The following TMX2 variants were observed in gnomAD, a reference collection of about 807,000 sequenced individuals.
The protein encoded by TMX2 is thioredoxin related transmembrane protein 2, also known as thioredoxin-related transmembrane protein 2.
A neutral mutation model predicts 33.4 loss-of-function variants in TMX2; 20 were observed. The observed-to-expected ratio is 0.60, with a 90% CI of 0.42 to 0.87. TMX2 has a LOEUF of 0.87. TMX2 is among the 40% of genes least tolerant of loss of function. The probability of loss-of-function intolerance (pLI) is 0.00; values close to 1 mark genes in which losing one functional copy is unlikely to be tolerated. For missense variants in TMX2, 340 were observed against 370.7 expected (o/e 0.92, Z 0.68); for synonymous variants, 166 against 140.7 (o/e 1.18, Z -1.27).
Position 57,740,058 on chromosome 11 carries a change from C to T in TMX2, c.745-41C>T, listed in dbSNP as rs1212742107. The T allele has an allele frequency of 3.1e-6, 5 of 1,613,282 alleles. No individual in the cohort carries two copies. The South Asian group carries it at 5.5e-5, about 18-fold the overall frequency. ...TTACTTCCCAGGCTCTTTACTCTCCCTTCCAACCCAGATCCTGACGTGTGC... is the reference window on the plus strand; with the variant it reads ...TTACTTCCCAGGCTCTTTACTCTCCTTTCCAACCCAGATCCTGACGTGTGC... On this transcript the variant is annotated intron_variant, in intron 7 of 7. Transcript: ENST00000278422.
At chr11:57,725,108 CT>C (rs1424653349) in intron 1 of TMX2, among the ~76,000 whole-genome samples, 1 of 151,990 alleles carries the variant, frequency 6.6e-6, no homozygotes, top group East Asian at 1.9e-4. Context: ...ATGTTTTCCC[CT>C]TTCTAGTACT....
chr11:57,732,796 C>T (rs377480679), intron 1 of TMX2, among the ~76,000 whole-genome samples: 1 of 151,782 alleles, frequency 6.6e-6, no homozygotes, highest in Non-Finnish European at 1.5e-5. Flanking sequence ...AATCATTGGC[C>T]ATTGGTGATC....
At chr11:57,719,670 C>A (rs1947452884) in intron 1 of TMX2, among the ~76,000 whole-genome samples, 1 of 151,666 alleles carries the variant, frequency 6.6e-6, no homozygotes, top group Non-Finnish European at 1.5e-5. Flanking sequence ...GTGCACACCA[C>A]CACGCCCGGC....
At chr11:57,730,686 C>T (rs1196807520) in intron 1 of TMX2, among the ~76,000 whole-genome samples, 2 of 151,838 alleles carry the variant, frequency 1.3e-5, no homozygotes, top group African/African-American at 2.4e-5. Flanking sequence ...TGCAGTGAGC[C>T]GAGATCGTAC....
intron 1 of TMX2, among the ~76,000 whole-genome samples, chr11:57,730,300 G>A (rs1207557995): frequency 6.7e-6 from 1 of 148,854 alleles, no homozygotes; most frequent in Non-Finnish European, 1.5e-5. Flanking sequence ...GGTGGTGGGC[G>A]CCTATAATCC....
intron 1 of TMX2, among the ~76,000 whole-genome samples, chr11:57,734,156 C>T (rs1373015778): frequency 2.6e-4 from 14 of 54,706 alleles, no homozygotes; most frequent in Non-Finnish European, 3.2e-4. Context: ...GACCCTGTCT[C>T]CAAAAAAAAA....
intron 1 of TMX2, among the ~76,000 whole-genome samples, chr11:57,735,161 C>T (rs1228456918): frequency 1.3e-5 from 2 of 151,916 alleles, no homozygotes; most frequent in African/African-American, 4.8e-5. Flanking sequence ...CTAATTTCTG[C>T]CTCAGGTATA....
chr11:57,721,727 C>T (rs997584879), intron 1 of TMX2, among the ~76,000 whole-genome samples: 1 of 151,978 alleles, frequency 6.6e-6, no homozygotes, highest in African/African-American at 2.4e-5. Context: ...ATGATATAAC[C>T]CTCACATTCC....
chr11:57,729,092 A>C (rs1209153477), intron 1 of TMX2, among the ~76,000 whole-genome samples: 2 of 151,530 alleles, frequency 1.3e-5, no homozygotes, highest in East Asian at 3.9e-4. Context: ...CCACACAAGA[A>C]CCCTAGGCTA....
intron 1 of TMX2, among the ~76,000 whole-genome samples, chr11:57,724,426 A>G (rs917790646): frequency 9.2e-5 from 14 of 152,124 alleles, no homozygotes; most frequent in African/African-American, 2.7e-4. Context: ...AAATATGTCT[A>G]TTACCCAGGT....
intron 1 of TMX2, among the ~76,000 whole-genome samples, chr11:57,728,255 C>T (rs1188886177): frequency 1.3e-5 from 2 of 152,162 alleles, no homozygotes; most frequent in East Asian, 1.9e-4. Context: ...CTCCGCCTTC[C>T]GGGTTCACGC....
intron 1 of TMX2, among the ~76,000 whole-genome samples, chr11:57,726,208 T>C (rs1378984330): frequency 3.3e-5 from 5 of 151,910 alleles, no homozygotes; most frequent in African/African-American, 9.7e-5. Context: ...AGGTCAGGAG[T>C]TCGAGACCAC....
At chr11:57,720,785 A>G (rs1359050590) in intron 1 of TMX2, among the ~76,000 whole-genome samples, 1 of 152,230 alleles carries the variant, frequency 6.6e-6, no homozygotes, top group Non-Finnish European at 1.5e-5. Flanking sequence ...CAAGGAATCG[A>G]ACCCACGCTG....
intron 1 of TMX2, among the ~76,000 whole-genome samples, chr11:57,736,223 TTGG>T (rs1301294116): frequency 1.3e-5 from 2 of 152,118 alleles, no homozygotes; most frequent in Non-Finnish European, 2.9e-5. Flanking sequence ...ACTTGCTCAC[TTGG>T]TGGTTACATT....
chr11:57,729,308 A>G (rs1263714883), intron 1 of TMX2, among the ~76,000 whole-genome samples: 1 of 152,102 alleles, frequency 6.6e-6, no homozygotes, highest in East Asian at 1.9e-4. Context: ...TGAAAACTAT[A>G]GAGTTCTAGG....
chr11:57,733,898 C>T (rs996833231), intron 1 of TMX2, among the ~76,000 whole-genome samples: 5 of 151,952 alleles, frequency 3.3e-5, no homozygotes, highest in African/African-American at 1.2e-4. Context: ...GGGCTGGGTG[C>T]GGTGGCTCAC....
intron 1 of TMX2, among the ~76,000 whole-genome samples, chr11:57,716,233 TGGACGGGGC>T (rs1947004366): frequency 7.7e-6 from 1 of 129,148 alleles, no homozygotes; most frequent in African/African-American, 2.9e-5. Context: ...ACCTCCCTCC[TGGACGGGGC>T]GGATGGCCGG....
intron 7 of TMX2, 111 bp from the exon 8 acceptor site, chr11:57,739,988 C>T: frequency 1.3e-6 from 2 of 1,488,562 alleles, no homozygotes; most frequent in Admixed American, 2.0e-5. Context: ...AGATTTTTGT[C>T]CTTTGCTTAC....
intron 1 of TMX2, chr11:57,718,227 G>A: frequency 6.9e-7 from 1 of 1,452,898 alleles, no homozygotes; most frequent in South Asian, 1.1e-5. Flanking sequence ...GTTGGGTCCA[G>A]CAATTGCCAT....
Sources: allele counts gnomAD v4.1 joint callset (sites outside exome capture counted in the v4.1 genomes callset), GRCh38; gene constraint gnomAD v4.1.1; transcripts MANE v1.5; gene names NCBI Gene and HGNC (gene_info 2026-07-23, HGNC 2026-07-21).